Variants in CSRP2 observed in about 807,000 individuals in gnomAD.
CSRP2 encodes the protein cysteine and glycine rich protein 2.
In CSRP2, 18 loss-of-function variants were observed where a neutral mutation model predicts 24.6. The ratio of observed to expected loss-of-function variants is 0.73; its 90% CI spans 0.51 to 1.09. The LOEUF is 1.09. CSRP2 is among the 50% of genes least tolerant of loss of function. The pLI, the probability that CSRP2 is intolerant of heterozygous loss-of-function variation, is 0.00. For missense variants in CSRP2, 215 were observed against 239.4 expected, an observed-to-expected ratio of 0.90 and a Z score of 0.67; for synonymous variants, 87 against 84.3, an observed-to-expected ratio of 1.03 and a Z score of -0.18.
At chr12:76,873,963 T>C (rs2137837575) in intron 1 of CSRP2, among the ~76,000 whole-genome samples, 1 of 152,310 alleles carries the variant, frequency 6.6e-6, no homozygotes, top group Non-Finnish European at 1.5e-5. Flanking sequence ...TTCAACAGTA[T>C]TTCATAAGCC....
chr12:76,859,191 C>T (rs12368947), intron 5 of CSRP2, among the ~76,000 whole-genome samples, 163 bp from the exon 6 acceptor site: 1,691 of 152,338 alleles, frequency 0.011, 11 homozygotes, highest in Non-Finnish European at 0.017. Context: ...CTTAAAGCTG[C>T]AAAGACAAGT....
chr12:76,860,527 G>A, intron 3 of CSRP2, 114 bp from the exon 4 acceptor site: 1 of 1,314,500 alleles, frequency 7.6e-7, no homozygotes, highest in Non-Finnish European at 1.0e-6. Flanking sequence ...CTCAAAGCTG[G>A]AAGCCTTTGC....
At chr12:76,861,418 A>C (rs1306448735) in intron 3 of CSRP2, 1 of 150,920 alleles carries the variant, frequency 6.6e-6, no homozygotes, top group Non-Finnish European at 1.5e-5. Flanking sequence ...GTGCTTTAAA[A>C]CTATGGCCAT....
Position 76,861,571 on chromosome 12 carries a change from G to A in CSRP2, c.282-1158C>T, listed in dbSNP as rs1056838701. On this transcript the variant is annotated intron_variant, in intron 3 of 5. Coordinates refer to ENST00000311083, the MANE Select transcript of CSRP2 (RefSeq NM_001321.3). Reference sequence around the variant, plus strand: ...ATAGATGTAACAAGATGGAAAAGGAGAGCAGAACAAGTAAAATAAATTTTA... The same window carrying A: ...ATAGATGTAACAAGATGGAAAAGGAAAGCAGAACAAGTAAAATAAATTTTA... 4 of 152,118 alleles carry A rather than the reference G, an allele frequency of 2.6e-5. No individual in the cohort carries two copies. In the South Asian group the frequency reaches 6.2e-4, roughly 24 times the overall value. 9.4% of individuals were successfully genotyped at this position (152,118 alleles called of 1,614,324 possible). A position where few individuals can be genotyped will look rare whatever the true frequency, so the allele number is the denominator to read the frequency against.
chr12:76,877,199 A>G (rs1438239491), intron 1 of CSRP2, among the ~76,000 whole-genome samples: 1 of 152,240 alleles, frequency 6.6e-6, no homozygotes, highest in African/African-American at 2.4e-5. Flanking sequence ...CTCTGGACTC[A>G]GGCTTCTAAA....
chr12:76,876,034 G>A (rs528284026), intron 1 of CSRP2, among the ~76,000 whole-genome samples: 2 of 152,164 alleles, frequency 1.3e-5, no homozygotes, highest in East Asian at 1.9e-4. Context: ...ATGTAGTACC[G>A]ACCTCCATGG....
At position 76,871,415 on chromosome 12, in the gene CSRP2, G is replaced by A. The variant is rs1304705207; in HGVS notation, c.-1-5154C>T. Reference sequence around the variant, plus strand: ...TGGTCACTATAAACCTTCTTTTTTGGGGACATTAAAATGCACTCCAAAGTA... The same window carrying A: ...TGGTCACTATAAACCTTCTTTTTTGAGGACATTAAAATGCACTCCAAAGTA... On this transcript the variant is annotated intron_variant, in intron 1 of 5. Coordinates refer to ENST00000311083, the MANE Select transcript of CSRP2 (RefSeq NM_001321.3). Among the ~76,000 whole-genome samples, 4 of 152,080 alleles carry A rather than the reference G, an allele frequency of 2.6e-5. No homozygotes were observed. The East Asian group carries it at 7.7e-4, about 29-fold the overall frequency.
intron 1 of CSRP2, among the ~76,000 whole-genome samples, chr12:76,868,750 G>A (rs912324255): frequency 2.6e-5 from 4 of 151,966 alleles, no homozygotes; most frequent in Non-Finnish European, 4.4e-5. Flanking sequence ...TTGAGACCAC[G>A]GTGAAACCCC....
rs1953734652 is a variant in CSRP2, at chr12:76,866,250, C to A, written c.11G>T (p.Trp4Leu). 2.5e-6 allele frequency: 4 copies of A among 1,613,596 alleles called. No individual in the cohort carries two copies. The South Asian group carries it at 4.4e-5, about 18-fold the overall frequency. Residue 4 changes from tryptophan to leucine, a missense_variant, in exon 2 of 6, where the codon TGG becomes TTG. Coordinates refer to ENST00000311083, the MANE Select transcript of CSRP2 (RefSeq NM_001321.3). ...GGCCCCACACTTGTTTCCACCTCCC[C>A]AGACAGGCATTCTGAAGGAATAAAG... Reference protein sequence around the residue: MPVWGGGNKCGACG... With the variant: MPVLGGGNKCGACG...
chr12:76,871,558 C>T (rs540083179), intron 1 of CSRP2, among the ~76,000 whole-genome samples: 3 of 152,244 alleles, frequency 2.0e-5, no homozygotes, highest in Non-Finnish European at 2.9e-5. Context: ...ATCACGAGGT[C>T]AGGAGATCAA....
chr12:76,867,742 T>C (rs11115916), intron 1 of CSRP2, among the ~76,000 whole-genome samples: 2,545 of 152,292 alleles, frequency 0.017, 21 homozygotes, highest in African/African-American at 0.024. Context: ...CTCTAGGAAA[T>C]AGGTGGCTAA....
At chr12:76,862,547 GAA>G in intron 3 of CSRP2, 2 of 295,134 alleles carry the variant, frequency 6.8e-6, no homozygotes, top group African/African-American at 4.6e-5. Context: ...TGACAAAAAA[GAA>G]AAAAAAAAGT....
At chr12:76,859,664 A>G in intron 4 of CSRP2, 24 bp from the exon 5 acceptor site, 1 of 1,577,156 alleles carries the variant, frequency 6.3e-7, no homozygotes, top group Non-Finnish European at 8.7e-7. Flanking sequence ...ATGTGTCAGC[A>G]TGTTTGAGAG....
intron 4 of CSRP2, among the ~76,000 whole-genome samples, chr12:76,860,039 T>G (rs934486573): frequency 7.9e-5 from 12 of 152,242 alleles, no homozygotes; most frequent in African/African-American, 2.7e-4. Flanking sequence ...AGTCTGGCCT[T>G]TTAAAGTTTA....
chr12:76,874,533 C>G lies in CSRP2; in HGVS notation c.-2+4405G>C, dbSNP rs560895774. 3.5e-3 allele frequency among the ~76,000 whole-genome samples: 536 copies of G among 152,166 alleles called. 2 individuals carry two copies. Among genetic ancestry groups the G allele is most frequent in the Non-Finnish European group, 3.7e-3 (253 of 67,958 alleles). ...AAAGAGCCTGTACTCCACAAATGGGCGGGCTTCCTTTTCCTTTAGGAGCAC... is the reference window on the plus strand; with the variant it reads ...AAAGAGCCTGTACTCCACAAATGGGGGGGCTTCCTTTTCCTTTAGGAGCAC... On this transcript the variant is annotated intron_variant, in intron 1 of 5. Coordinates refer to ENST00000311083, the MANE Select transcript of CSRP2 (RefSeq NM_001321.3).
At position 76,860,597 on chromosome 12, in the gene CSRP2, C is replaced by T. The variant is rs995235946; in HGVS notation, c.282-184G>A. ...ACTCAGGTGCCAGCCAGAGTTACTA[C>T]TTGAACCTATCTATGGGCTCATTAT... On this transcript the variant is annotated intron_variant, in intron 3 of 5. Transcript: ENST00000311083. 8.9e-5 allele frequency: 53 copies of T among 592,900 alleles called. No homozygotes were observed. In the African/African-American group the frequency reaches 9.4e-4, roughly 11 times the overall value. 36.7% of individuals were successfully genotyped at this position (592,900 alleles called of 1,614,324 possible).
At position 76,859,041 on chromosome 12, in the gene CSRP2, G is replaced by C; in HGVS notation, c.506-13C>G. ...TTTGCATAGCATCCTACAAAGGAAA[G>C]GGAGGAAGGATAGTTAGTGCAAGTC... On this transcript the variant is annotated splice_polypyrimidine_tract_variant and intron_variant, in intron 5 of 5. Transcript: ENST00000311083. 10 of 1,613,134 alleles carry C rather than the reference G, an allele frequency of 6.2e-6. No individual in the cohort carries two copies. Among genetic ancestry groups the C allele is most frequent in the Non-Finnish European group, 8.5e-6 (10 of 1,179,094 alleles).
chr12:76,877,161 C>G (rs1355902870), intron 1 of CSRP2, among the ~76,000 whole-genome samples: 1 of 152,220 alleles, frequency 6.6e-6, no homozygotes, highest in African/African-American at 2.4e-5. Context: ...AGACCCAGAT[C>G]ACTATAGCAA....
intron 5 of CSRP2, 194 bp downstream of exon 5, chr12:76,859,353 T>TA (rs1214295668): frequency 1.7e-6 from 1 of 601,472 alleles, no homozygotes; most frequent in Non-Finnish European, 3.0e-6. Flanking sequence ...GTGGTGTTTT[T>TA]ATCTGGTGGG....
Sources: allele counts gnomAD v4.1 joint callset (sites outside exome capture counted in the v4.1 genomes callset), GRCh38; gene constraint gnomAD v4.1.1; transcripts MANE v1.5; gene names NCBI Gene and HGNC (gene_info 2026-07-23, HGNC 2026-07-21).